The following PEAK1 variants were observed in gnomAD, a reference collection of about 807,000 sequenced individuals.
PEAK1 encodes the protein pseudopodium enriched atypical kinase 1.
PEAK1 carries 54 observed loss-of-function variants against 124.7 expected under a neutral mutation model. The ratio of observed to expected loss-of-function variants is 0.43; its 90% confidence interval spans 0.35 to 0.54. PEAK1 has a LOEUF of 0.54. Among genes scored for constraint, PEAK1 ranks in the 20% least tolerant of loss-of-function variants. PEAK1 has a pLI of 0.01. For missense variants in PEAK1, 2,046 were observed against 2,134.5 expected (o/e 0.96, Z 0.82); for synonymous variants, 719 against 760.0 (o/e 0.95, Z 0.89).
chr15:77,348,766 T>C (rs933779966), intron 2 of PEAK1: 16 of 980,822 alleles, frequency 1.6e-5, no homozygotes, highest in Non-Finnish European at 1.9e-5. Context: ...TAAAACCCGA[T>C]GATGAATATC....
At chr15:77,139,724 T>G (rs558966395) in intron 8 of PEAK1, among the ~76,000 whole-genome samples, 2 of 152,262 alleles carry the variant, frequency 1.3e-5, no homozygotes, top group African/African-American at 4.8e-5. Flanking sequence ...CAAGGACCTC[T>G]TTTCTCCACC....
intron 2 of PEAK1, chr15:77,337,602 T>A: frequency 1.0e-6 from 1 of 985,394 alleles, no homozygotes; most frequent in South Asian, 4.7e-5. Flanking sequence ...CTCAGAGATA[T>A]GCTACAAAAC....
chr15:77,110,965 C>T lies in PEAK1; in HGVS notation c.*3191G>A, dbSNP rs1360020179. On this transcript the variant is annotated 3_prime_UTR_variant, in exon 10 of 10. Transcript: ENST00000682557. ...AGACTAGGTTACCACTCTAACAAGG[C>T]ACTCTGCTATACATTCAGTCTTGCT... The T allele has an allele frequency of 1.3e-5, 2 of 152,242 alleles. No homozygotes were observed. The allele number at this position is 152,242 out of a possible 1,614,324, so 9.4% of individuals were successfully genotyped here. A position where few individuals can be genotyped will look rare whatever the true frequency, so the allele number is the denominator to read the frequency against.
chr15:77,179,679 C>T lies in PEAK1; in HGVS notation c.2248G>A (p.Glu750Lys). Residue 750 changes from glutamate to lysine, a missense_variant, in exon 7 of 10, where the codon GAG becomes AAG. Glu to Lys is a moderately conservative substitution (Grantham distance 56). Coordinates refer to ENST00000682557, the MANE Select transcript of PEAK1 (RefSeq NM_001385026.1). Reference sequence around the variant, plus strand: ...CTGCTGCTGCCCACCATCTGAGACTCCTGAGTGCCTTCTATTTTGGCCACA... The same window carrying T: ...CTGCTGCTGCCCACCATCTGAGACTTCTGAGTGCCTTCTATTTTGGCCACA... ...EPVAKIEGTQ[E>K]SQMVGSSSTR... The T allele has an allele frequency of 1.2e-6, 2 of 1,614,050 alleles. No individual in the cohort carries two copies. The highest frequency in any genetic ancestry group is 1.1e-5 in the South Asian group (1 of 91,074).
At chr15:77,171,783 C>T (rs150747197) in intron 7 of PEAK1, among the ~76,000 whole-genome samples, 10 of 152,184 alleles carry the variant, frequency 6.6e-5, no homozygotes, top group African/African-American at 1.4e-4. Context: ...AACATCACTA[C>T]GTACACCATA....
At chr15:77,396,219 A>G (rs2070875414) in intron 1 of PEAK1, among the ~76,000 whole-genome samples, 1 of 152,104 alleles carries the variant, frequency 6.6e-6, no homozygotes, top group Admixed American at 6.5e-5. Flanking sequence ...GATAGATATT[A>G]TATGCAAGCC....
intron 9 of PEAK1, among the ~76,000 whole-genome samples, chr15:77,117,244 C>T (rs1319716369): frequency 6.6e-6 from 1 of 152,160 alleles, no homozygotes; most frequent in Non-Finnish European, 1.5e-5. Context: ...AAAAATGACA[C>T]TCTCCAAGGG....
chr15:77,367,622 G>T (rs1345757865), intron 1 of PEAK1, among the ~76,000 whole-genome samples: 1 of 152,136 alleles, frequency 6.6e-6, no homozygotes, highest in African/African-American at 2.4e-5. Context: ...CATAGAAGAG[G>T]CTACAAATAC....
intron 1 of PEAK1, chr15:77,417,667 G>A: frequency 1.0e-6 from 1 of 985,394 alleles, no homozygotes; most frequent in Non-Finnish European, 1.2e-6. Context: ...GGTATGATTT[G>A]GCAGGTATCA....
At chr15:77,240,388 G>A (rs1390138420) in intron 6 of PEAK1, among the ~76,000 whole-genome samples, 2 of 152,076 alleles carry the variant, frequency 1.3e-5, no homozygotes, top group African/African-American at 4.8e-5. Context: ...GGGAGGCCAA[G>A]GTGGGAGGAT....
intron 6 of PEAK1, among the ~76,000 whole-genome samples, chr15:77,207,263 A>T (rs1402589814): frequency 4.6e-5 from 7 of 152,248 alleles, no homozygotes. Flanking sequence ...AAATAACTTT[A>T]AAAAAGAACT....
At chr15:77,265,589 T>G (rs1373683533) in intron 5 of PEAK1, among the ~76,000 whole-genome samples, 1 of 152,056 alleles carries the variant, frequency 6.6e-6, no homozygotes, top group African/African-American at 2.4e-5. Context: ...TGGCGATCAT[T>G]AAAAAGTCAG....
At chr15:77,292,929 G>A (rs1031893411) in intron 2 of PEAK1, among the ~76,000 whole-genome samples, 3 of 152,008 alleles carry the variant, frequency 2.0e-5, no homozygotes, top group African/African-American at 7.3e-5. Flanking sequence ...ATCTCCACTT[G>A]GCACAATGAA....
chr15:77,348,199 A>G (rs575889020), intron 2 of PEAK1: 156 of 983,978 alleles, frequency 1.6e-4, no homozygotes, highest in African/African-American at 1.4e-3. Context: ...AAAAAAAAAA[A>G]AAGAAGACTG....
chr15:77,160,067 C>T (rs1410041024), intron 7 of PEAK1, among the ~76,000 whole-genome samples: 2 of 151,968 alleles, frequency 1.3e-5, no homozygotes, highest in African/African-American at 2.4e-5. Context: ...ATAAAGGAGG[C>T]CTCACACAGT....
intron 2 of PEAK1, chr15:77,330,944 G>A (rs1004946113): frequency 3.9e-6 from 3 of 771,698 alleles, no homozygotes; most frequent in Admixed American, 6.3e-5. Context: ...CAATTCCTGG[G>A]ATACAGTAGG....
At chr15:77,169,876 G>A (rs2056384436) in intron 7 of PEAK1, among the ~76,000 whole-genome samples, 1 of 152,144 alleles carries the variant, frequency 6.6e-6, no homozygotes, top group African/African-American at 2.4e-5. Flanking sequence ...ACCAAGAAGG[G>A]AAGAGTTGTG....
chr15:77,309,032 AAGG>A (rs1297369890), intron 2 of PEAK1, among the ~76,000 whole-genome samples: 2 of 152,226 alleles, frequency 1.3e-5, no homozygotes, highest in South Asian at 2.1e-4. Flanking sequence ...CATCAGGTAA[AAGG>A]AGGAGCATAT....
At chr15:77,263,842 G>C (rs1472146990) in intron 5 of PEAK1, among the ~76,000 whole-genome samples, 2 of 152,030 alleles carry the variant, frequency 1.3e-5, no homozygotes, top group African/African-American at 4.8e-5. Context: ...GATGAACATC[G>C]ATGCAAAAAT....
Sources: allele counts gnomAD v4.1 joint callset (sites outside exome capture counted in the v4.1 genomes callset), GRCh38; gene constraint gnomAD v4.1.1; transcripts MANE v1.5; gene names NCBI Gene and HGNC (gene_info 2026-07-23, HGNC 2026-07-21).